The following OSBPL10 variants were observed in gnomAD, a reference collection of about 807,000 sequenced individuals.
OSBPL10 encodes the protein oxysterol-binding protein-related protein 10.
A neutral mutation model predicts 81.7 loss-of-function variants in OSBPL10; 49 were observed. That is an observed-to-expected ratio of 0.60 (90% CI 0.48 to 0.76). OSBPL10 has a LOEUF of 0.76. Ranked by LOEUF, OSBPL10 falls within the 30% of genes least tolerant of loss-of-function variation. The pLI, the probability that OSBPL10 is intolerant of heterozygous loss-of-function variation, is 0.00. For synonymous variants in OSBPL10, 419 were observed against 383.6 expected (o/e 1.09, Z -1.08); for missense variants, 923 against 987.8 (o/e 0.93, Z 0.88).
intron 6 of OSBPL10, among the ~76,000 whole-genome samples, chr3:31,714,383 C>T (rs943488620): frequency 1.3e-5 from 2 of 151,728 alleles, no homozygotes; most frequent in African/African-American, 2.4e-5. Flanking sequence ...ATTGCGGGGG[C>T]GCAGTAATCA....
At chr3:31,836,548 A>AC (rs1377768291) in intron 3 of OSBPL10, among the ~76,000 whole-genome samples, 3 of 88,084 alleles carry the variant, frequency 3.4e-5, no homozygotes, top group African/African-American at 8.8e-5. Context: ...CCCCTCCTCT[A>AC]CCCCCCTGCC....
chr3:31,874,190 T>G, intron 3 of OSBPL10, among the ~76,000 whole-genome samples: 1 of 152,118 alleles, frequency 6.6e-6, no homozygotes, highest in Middle Eastern at 3.4e-3. Context: ...TTAATGTACT[T>G]AAAGTTGGTT....
intron 4 of OSBPL10, among the ~76,000 whole-genome samples, chr3:31,776,356 C>A (rs751767355): frequency 6.6e-6 from 1 of 152,110 alleles, no homozygotes; most frequent in East Asian, 1.9e-4. Flanking sequence ...CCTTCTTATA[C>A]CGTTGGTGAG....
chr3:31,938,395 CAT>C (rs1223505306), intron 1 of OSBPL10, among the ~76,000 whole-genome samples: 1 of 152,200 alleles, frequency 6.6e-6, no homozygotes, highest in African/African-American at 2.4e-5. Context: ...ACCACACAAC[CAT>C]TAACAGCAGA....
intron 9 of OSBPL10, 61 bp from the exon 10 acceptor site, chr3:31,668,885 G>A: frequency 7.3e-7 from 1 of 1,377,602 alleles, no homozygotes; most frequent in Non-Finnish European, 9.6e-7. Context: ...AGACTTCAAA[G>A]GTACACCCAT....
intron 4 of OSBPL10, among the ~76,000 whole-genome samples, chr3:31,766,321 G>GTTTTTTT (rs372182366): frequency 4.4e-5 from 3 of 68,592 alleles, no homozygotes; most frequent in African/African-American, 4.3e-5. Flanking sequence ...GCCCAATGTA[G>GTTTTTTT]TTTTTTTGTT....
intron 4 of OSBPL10, among the ~76,000 whole-genome samples, chr3:31,815,823 C>T (rs1180655911): frequency 6.6e-6 from 1 of 152,208 alleles, no homozygotes; most frequent in Non-Finnish European, 1.5e-5. Flanking sequence ...CGTCTCTCTG[C>T]AGCCACTCAC....
At chr3:31,870,850 T>C (rs1181076002) in intron 3 of OSBPL10, among the ~76,000 whole-genome samples, 1 of 152,122 alleles carries the variant, frequency 6.6e-6, no homozygotes, top group African/African-American at 2.4e-5. Flanking sequence ...ATCAGCACCC[T>C]GTGTCTAGCT....
chr3:32,009,328 A>G (rs761446923), intron 2 of OSBPL10, among the ~76,000 whole-genome samples: 1 of 152,212 alleles, frequency 6.6e-6, no homozygotes, highest in Admixed American at 6.5e-5. Flanking sequence ...TCAGCCTTCA[A>G]AGTGAGCAAA....
chr3:31,885,169 CATATACACTT>C (rs1695698067), intron 1 of OSBPL10, among the ~76,000 whole-genome samples: 1 of 152,174 alleles, frequency 6.6e-6, no homozygotes, highest in Non-Finnish European at 1.5e-5. Flanking sequence ...TATATACCCT[CATATACACTT>C]ATATATGTGA....
chr3:31,992,992 G>A (rs1164825312), intron 2 of OSBPL10, among the ~76,000 whole-genome samples: 1 of 152,020 alleles, frequency 6.6e-6, no homozygotes, highest in Non-Finnish European at 1.5e-5. Flanking sequence ...AATAGAGCAA[G>A]ACCCTGTCTC....
chr3:31,931,329 TTCTC>T (rs1697243839), intron 1 of OSBPL10, among the ~76,000 whole-genome samples: 1 of 152,154 alleles, frequency 6.6e-6, no homozygotes, highest in African/African-American at 2.4e-5. Context: ...ATTCTGATGA[TTCTC>T]TCTAAAACAT....
rs186499532 is a variant in OSBPL10, at chr3:31,946,237, C to T, written c.281+34662G>A. 1.5e-3 allele frequency among the ~76,000 whole-genome samples: 223 copies of T among 152,144 alleles called. 3 individuals carry two copies. In the East Asian group the frequency reaches 0.032, roughly 22 times the overall value. On this transcript the variant is annotated intron_variant, in intron 1 of 11. Transcript: ENST00000396556. ...TCAGGTGATCCACCCCCCTCAGCCTCCCCAAGTGCTAAAATTATAGGCGTG... is the reference window on the plus strand; with the variant it reads ...TCAGGTGATCCACCCCCCTCAGCCTTCCCAAGTGCTAAAATTATAGGCGTG...
intron 4 of OSBPL10, among the ~76,000 whole-genome samples, chr3:31,769,942 A>G (rs528748942): frequency 2.4e-4 from 36 of 152,292 alleles, no homozygotes; most frequent in African/African-American, 8.2e-4. Context: ...TGCCATCTCA[A>G]TGGGTTTTTC....
chr3:31,894,060 GCCTAGA>G (rs1253477396), intron 1 of OSBPL10, among the ~76,000 whole-genome samples: 11 of 152,146 alleles, frequency 7.2e-5, no homozygotes, highest in Non-Finnish European at 1.6e-4. Flanking sequence ...CCTGGCAATA[GCCTAGA>G]CCAAGGTGGT....
intron 1 of OSBPL10, among the ~76,000 whole-genome samples, chr3:31,960,629 A>G (rs550105075): frequency 6.6e-6 from 1 of 152,274 alleles, no homozygotes; most frequent in South Asian, 2.1e-4. Context: ...CCAAGTAAAA[A>G]TGGAAGTTAA....
rs58442955 is a variant in OSBPL10 at position 32,028,927 on chromosome 3, GACACAC to G, written n.298+17558_298+17563del. On this transcript the variant is annotated intron_variant and non_coding_transcript_variant, in intron 2 of 3. Transcript: ENST00000479173. The stretch of plus-strand genomic sequence containing the variant: ...ATTGTTACAGTAGGTAGCTAGTCAG[GACACAC>G]ACACACACACACACACACACACACA... 8.2e-3 allele frequency among the ~76,000 whole-genome samples: 871 copies of G among 105,620 alleles called. 7 individuals carry two copies. The highest frequency in any genetic ancestry group is 0.015 in the African/African-American group (405 of 27,034). The allele number at this position is 105,620 out of a possible 152,430, so 69.3% of individuals were successfully genotyped here.
intron 4 of OSBPL10, among the ~76,000 whole-genome samples, chr3:31,815,339 T>G (rs1220848269): frequency 1.3e-5 from 2 of 152,200 alleles, no homozygotes; most frequent in African/African-American, 4.8e-5. Context: ...AAATGACTCT[T>G]GTAGTTTTCA....
At chr3:31,749,428 T>A (rs1475572252) in intron 4 of OSBPL10, among the ~76,000 whole-genome samples, 1 of 152,248 alleles carries the variant, frequency 6.6e-6, no homozygotes, top group African/African-American at 2.4e-5. Context: ...TTTTTGCAGA[T>A]TACAGAGGAT....
Sources: allele counts gnomAD v4.1 joint callset (sites outside exome capture counted in the v4.1 genomes callset), GRCh38; gene constraint gnomAD v4.1.1; transcripts MANE v1.5; gene names NCBI Gene and HGNC (gene_info 2026-07-23, HGNC 2026-07-21).